The following ENTPD5 variants were observed in gnomAD, a reference collection of about 807,000 sequenced individuals.
The protein encoded by ENTPD5 is ectonucleoside triphosphate diphosphohydrolase 5 (inactive), also known as nucleoside diphosphate phosphatase ENTPD5.
Under a neutral mutation model 60.2 loss-of-function variants are expected in ENTPD5, and 49 were observed. That is an observed-to-expected ratio of 0.81 (90% CI 0.65 to 1.03). ENTPD5 has a LOEUF of 1.03. Among genes scored for constraint, ENTPD5 ranks in the 50% least tolerant of loss-of-function variants. The pLI, the probability that ENTPD5 is intolerant of heterozygous loss-of-function variation, is 0.00. For missense variants in ENTPD5, 480 were observed against 507.6 expected (o/e 0.95, Z 0.52); for synonymous variants, 187 against 185.4 (o/e 1.01, Z -0.07).
At chr14:73,996,686 G>C (rs1319868532) in intron 3 of ENTPD5, 1 of 152,224 alleles carries the variant, frequency 6.6e-6, no homozygotes. Context: ...GCTCTTGTCT[G>C]TAATCTTAGC....
chr14:73,995,585 A>AAAT (rs34846091), intron 3 of ENTPD5, among the ~76,000 whole-genome samples: 15,741 of 144,128 alleles, frequency 0.11, 900 homozygotes, highest in African/African-American at 0.14. Context: ...ACTCTATCTC[A>AAAT]AATAATAATA....
At chr14:74,005,282 GA>G (rs1387879478) in intron 3 of ENTPD5, among the ~76,000 whole-genome samples, 2 of 91,896 alleles carry the variant, frequency 2.2e-5, no homozygotes, top group African/African-American at 4.3e-5. Context: ...AAAAAAAAAA[GA>G]AAAAAAGAAA....
chr14:73,988,073 G>T lies in ENTPD5; in HGVS notation c.30C>A (p.Phe10Leu). ...TGCAAACACAGGATACCACCAGCAT[G>T]AAAAAGACTGTGCCCCAAGAAGTGG... MATSWGTVF[F>L]MLVVSCVCSA... Residue 10 changes from phenylalanine (F) to leucine (L), a missense_variant, in exon 4 of 16, where the codon TTC becomes TTA. Coordinates refer to ENST00000334696, the MANE Select transcript of ENTPD5 (RefSeq NM_001249.5). The T allele has an allele frequency of 6.2e-7, 1 of 1,612,700 alleles. No individual in the cohort carries two copies. The highest frequency in any genetic ancestry group is 1.1e-5 in the South Asian group (1 of 90,736).
chr14:74,007,979 C>A (rs771237623), intron 3 of ENTPD5, among the ~76,000 whole-genome samples: 4 of 151,408 alleles, frequency 2.6e-5, no homozygotes, highest in Non-Finnish European at 5.9e-5. Flanking sequence ...TATAGGCACC[C>A]GCCACCATGC....
chr14:73,977,080 G>T (rs369681731), intron 7 of ENTPD5, 21 bp from the exon 8 acceptor site: 2 of 1,608,624 alleles, frequency 1.2e-6, no homozygotes, highest in Admixed American at 1.7e-5. Flanking sequence ...AGAAAGACAA[G>T]GATTAGATCC....
chr14:73,994,516 TGAG>T (rs2058264910), intron 3 of ENTPD5, among the ~76,000 whole-genome samples: 1 of 151,308 alleles, frequency 6.6e-6, no homozygotes, highest in East Asian at 2.0e-4. Flanking sequence ...GGGTGGATCA[TGAG>T]GTCAGGAGTT....
At chr14:74,009,093 T>C (rs10151810) in intron 3 of ENTPD5, 81,157 of 152,144 alleles carry the variant, frequency 0.53, 22,544 homozygotes, top group East Asian at 0.89. Context: ...GGCTTGACTT[T>C]GCTACAATAA....
chr14:73,983,119 A>G lies in ENTPD5; in HGVS notation c.340T>C (p.Ser114Pro). 1.2e-6 allele frequency: 2 copies of G among 1,614,100 alleles called. No homozygotes were observed. Among genetic ancestry groups the G allele is most frequent in the Non-Finnish European group, 1.7e-6 (2 of 1,179,996 alleles). The change falls in exon 6 of 16, where the codon TCA becomes CCA. Residue 114 changes from serine (S) to proline (P), a missense_variant. Coordinates refer to ENST00000334696, the MANE Select transcript of ENTPD5 (RefSeq NM_001249.5). ...TTTTTCCAGTGACTTCGGGGGATTG[A>G]GTCTTTGGCCACCTCTAAGAGCCCT... ...VQGLLEVAKD[S>P]IPRSHWKKTP...
rs1169025778 is a variant in ENTPD5 at position 73,977,023 on chromosome 14, C to A, written c.553+1G>T. The A allele has an allele frequency of 1.2e-6, 2 of 1,611,906 alleles. No homozygotes were observed. Among genetic ancestry groups the A allele is most frequent in the Non-Finnish European group, 8.5e-7 (1 of 1,178,260 alleles). On this transcript the variant is annotated splice_donor_variant, in intron 8 of 15. Transcript: ENST00000334696. LOFTEE classifies it high-confidence loss of function. ...TAAAGATAAACTTGAGGATGTATTA[C>A]CTGTCAGAAAATTCACAGTAACCCA... is the stretch of plus-strand genomic sequence containing the variant.
intron 5 of ENTPD5, among the ~76,000 whole-genome samples, chr14:73,985,291 T>C (rs1037896257): frequency 6.6e-6 from 1 of 152,200 alleles, no homozygotes; most frequent in African/African-American, 2.4e-5. Flanking sequence ...GGTATTTCTA[T>C]TCCTAGATCC....
chr14:73,996,422 T>C (rs942169611), intron 3 of ENTPD5: 3 of 151,270 alleles, frequency 2.0e-5, no homozygotes, highest in Non-Finnish European at 1.5e-5. Context: ...GTTAGCCAAA[T>C]AGAAAAGTTA....
intron 6 of ENTPD5, 86 bp downstream of exon 6, chr14:73,982,932 G>T: frequency 7.3e-7 from 1 of 1,367,336 alleles, no homozygotes; most frequent in Non-Finnish European, 1.0e-6. Context: ...TGAAGGTAGT[G>T]GTCACATTCC....
chr14:73,958,733 G>C (rs974030686), downstream of ENTPD5: 200 of 1,419,950 alleles, frequency 1.4e-4, no homozygotes, highest in Non-Finnish European at 1.8e-4. Flanking sequence ...GGAGGGCCTG[G>C]CTGAGTTTAA....
chr14:74,008,683 C>T (rs1379736083), intron 3 of ENTPD5, among the ~76,000 whole-genome samples: 1 of 151,584 alleles, frequency 6.6e-6, no homozygotes, highest in East Asian at 1.9e-4. Context: ...GCATGAGCCA[C>T]TGCGCCTGGC....
intron 2 of ENTPD5, among the ~76,000 whole-genome samples, chr14:74,012,848 C>T (rs1014709476): frequency 1.3e-5 from 2 of 152,144 alleles, no homozygotes; most frequent in Admixed American, 6.6e-5. Flanking sequence ...AAAAACCTAC[C>T]ATTCAGGCCA....
chr14:73,995,566 TAGAG>T (rs1056643235), intron 3 of ENTPD5, among the ~76,000 whole-genome samples: 15 of 147,260 alleles, frequency 1.0e-4, no homozygotes, highest in South Asian at 2.2e-4. Context: ...GCCTCAGTGA[TAGAG>T]AGAGACTCTA....
intron 3 of ENTPD5, among the ~76,000 whole-genome samples, chr14:73,989,848 A>AAG (rs1275418963): frequency 6.7e-6 from 1 of 150,094 alleles, no homozygotes; most frequent in African/African-American, 2.4e-5. Context: ...AAAAAAAAAA[A>AAG]AAAAAAAAAT....
rs548836441 is a variant in ENTPD5 at position 74,016,562 on chromosome 14, G to A, written c.-237-632C>T. Reference sequence around the variant, plus strand: ...GAGGTGGGAGGATCACTTAAGTCCAGGAGGTCGAAGCTGTAATGAGCCATG... The same window carrying A: ...GAGGTGGGAGGATCACTTAAGTCCAAGAGGTCGAAGCTGTAATGAGCCATG... On this transcript the variant is annotated intron_variant, in intron 1 of 15. Transcript: ENST00000334696. 2.0e-5 allele frequency among the ~76,000 whole-genome samples: 3 copies of A among 152,222 alleles called. No homozygotes were observed. In the East Asian group the frequency reaches 5.8e-4, roughly 29 times the overall value.
chr14:74,014,217 T>C (rs2058938750), intron 2 of ENTPD5, among the ~76,000 whole-genome samples: 1 of 152,190 alleles, frequency 6.6e-6, no homozygotes, highest in South Asian at 2.1e-4. Flanking sequence ...GAGGATCTCT[T>C]GAGCTCAGGA....
Sources: gnomAD v4.1 joint callset for allele counts (sites outside exome capture counted in the v4.1 genomes callset) on GRCh38, gnomAD v4.1.1 for gene constraint, MANE v1.5 for transcripts, NCBI Gene and HGNC (gene_info 2026-07-23, HGNC 2026-07-21) for gene names.